Variants in DOCK4 observed in about 807,000 individuals in gnomAD.
The protein encoded by DOCK4 is dedicator of cytokinesis protein 4.
Under a neutral mutation model 268.1 loss-of-function variants are expected in DOCK4, and 97 were observed. The observed-to-expected ratio is 0.36, with a 90% confidence interval of 0.31 to 0.43. The LOEUF is 0.43. Ranked by LOEUF, DOCK4 falls within the 20% of genes least tolerant of loss-of-function variation. The pLI is 1.00. For synonymous variants in DOCK4, 954 were observed against 887.2 expected, an observed-to-expected ratio of 1.08 and a Z score of -1.34; for missense variants, 2,145 against 2,455.7, an observed-to-expected ratio of 0.87 and a Z score of 2.67.
chr7:112,123,978 G>A (rs1812984959), intron 1 of DOCK4, among the ~76,000 whole-genome samples: 2 of 152,042 alleles, frequency 1.3e-5, no homozygotes, highest in Admixed American at 6.5e-5. Context: ...GTTCAGAAGT[G>A]TATCATGAGG....
intron 1 of DOCK4, among the ~76,000 whole-genome samples, chr7:112,007,331 G>T (rs1394921463): frequency 1.5e-5 from 2 of 129,486 alleles, no homozygotes; most frequent in African/African-American, 7.0e-5. Context: ...ATGAATGAAT[G>T]AATGAATGAA....
intron 12 of DOCK4, among the ~76,000 whole-genome samples, chr7:111,925,457 C>T (rs890679831): frequency 3.3e-5 from 5 of 152,070 alleles, no homozygotes; most frequent in Admixed American, 6.5e-5. Context: ...ACAATACTAT[C>T]GGAAAATGAG....
chr7:111,814,860 C>A (rs1352594917), intron 27 of DOCK4, among the ~76,000 whole-genome samples: 2 of 152,022 alleles, frequency 1.3e-5, no homozygotes, highest in Non-Finnish European at 2.9e-5. Flanking sequence ...ACATTGAGAC[C>A]TGAAAGAATG....
intron 12 of DOCK4, among the ~76,000 whole-genome samples, chr7:111,929,604 T>C (rs1439451833): frequency 6.6e-6 from 1 of 152,216 alleles, no homozygotes; most frequent in Non-Finnish European, 1.5e-5. Flanking sequence ...CATTGGTATG[T>C]GTGGACCCAA....
chr7:111,788,783 CT>C, intron 31 of DOCK4, 36 bp from the exon 32 acceptor site: 1 of 1,503,978 alleles, frequency 6.6e-7, no homozygotes, highest in Non-Finnish European at 9.1e-7. Context: ...CTTTCCTCCC[CT>C]TCACAAGTAG....
chr7:111,762,762 C>CTTTTTTTTT lies in DOCK4; in HGVS notation c.4020+2347_4020+2355dup, dbSNP rs869052136. Among the ~76,000 whole-genome samples, 111 of 63,066 alleles carry CTTTTTTTTT rather than the reference C, an allele frequency of 1.8e-3. 13 individuals are homozygous for CTTTTTTTTT. Among genetic ancestry groups the CTTTTTTTTT allele is most frequent in the South Asian group, 2.7e-3 (3 of 1,132 alleles). The allele number at this position is 63,066 out of a possible 152,430, so 41.4% of individuals were successfully genotyped here. A position where few individuals can be genotyped will look rare whatever the true frequency, so the allele number is the denominator to read the frequency against. Reference sequence around the variant, plus strand: ...TAAATAACCCATTTTGTTTTGTTTTCTTTTTTTTTTTTTTTTTTTTTTTTG... The same window carrying CTTTTTTTTT: ...TAAATAACCCATTTTGTTTTGTTTTCTTTTTTTTTTTTTTTTTTTTTTTTTTTTTTTTTG... On this transcript the variant is annotated intron_variant, in intron 39 of 52. Transcript: ENST00000428084.
At chr7:111,883,606 C>G (rs1807600380) in intron 16 of DOCK4, among the ~76,000 whole-genome samples, 1 of 152,176 alleles carries the variant, frequency 6.6e-6, no homozygotes. Flanking sequence ...TGTAGCTCAA[C>G]TGGTTGCCAT....
chr7:111,768,563 A>G (rs1797909449), intron 37 of DOCK4, among the ~76,000 whole-genome samples: 1 of 151,990 alleles, frequency 6.6e-6, no homozygotes, highest in Non-Finnish European at 1.5e-5. Context: ...TTCAAATCCA[A>G]TAAACAATGG....
chr7:112,162,120 C>A (rs1018798065), intron 1 of DOCK4, among the ~76,000 whole-genome samples: 11 of 152,046 alleles, frequency 7.2e-5, no homozygotes, highest in African/African-American at 2.7e-4. Context: ...TTTGCGTATT[C>A]CCAAAGAAAG....
rs1212930024 is a variant in DOCK4 at position 111,926,409 on chromosome 7, G to A, written c.1066+9131C>T. Among the ~76,000 whole-genome samples, 9 of 139,130 alleles carry A rather than the reference G, an allele frequency of 6.5e-5. No homozygotes were observed. In the South Asian group the frequency reaches 1.2e-3, roughly 18 times the overall value. 91.3% of individuals were successfully genotyped at this position (139,130 alleles called of 152,430 possible). A position where few individuals can be genotyped will look rare whatever the true frequency, so the allele number is the denominator to read the frequency against. ...TCACGCCACTGCACTCCAGCCTGGC[G>A]ACACAGCGAGACAAAGAAAAAAGAA... is the stretch of plus-strand genomic sequence containing the variant. On this transcript the variant is annotated intron_variant, in intron 12 of 52. Transcript: ENST00000428084.
chr7:111,740,800 G>A (rs1290187695), intron 47 of DOCK4, among the ~76,000 whole-genome samples: 1 of 133,086 alleles, frequency 7.5e-6, no homozygotes, highest in East Asian at 2.4e-4. Context: ...AACACACTCT[G>A]AGAGTCCTGG....
rs1491032008 is a variant in DOCK4, at chr7:112,200,737, AAC to A, written c.37+5363_37+5364del. Among the ~76,000 whole-genome samples, 5 of 119,238 alleles carry A rather than the reference AAC, an allele frequency of 4.2e-5. 1 individual carries two copies. Among genetic ancestry groups the A allele is most frequent in the Non-Finnish European group, 6.7e-5 (4 of 59,568 alleles). The allele number at this position is 119,238 out of a possible 152,430, so 78.2% of individuals were successfully genotyped here. A position where few individuals can be genotyped will look rare whatever the true frequency, so the allele number is the denominator to read the frequency against. The stretch of plus-strand genomic sequence containing the variant: ...ACAGCCTCTAAAATAAAAAAAAAAA[AAC>A]AAAAAAAAACAAGATCATAGAGGAA... On this transcript the variant is annotated intron_variant, in intron 1 of 52. Transcript: ENST00000428084.
chr7:112,066,607 C>CGT (rs148799975), intron 1 of DOCK4, among the ~76,000 whole-genome samples: 21,443 of 122,944 alleles, frequency 0.17, 4,457 homozygotes, highest in African/African-American at 0.53. Context: ...CATATATACA[C>CGT]GTGTATACAT....
At position 111,842,475 on chromosome 7, in the gene DOCK4, C is replaced by T. The variant is rs1803775713; in HGVS notation, c.2736+2288G>A. Among the ~76,000 whole-genome samples the T allele has an allele frequency of 4.6e-5, 7 of 152,318 alleles. No individual in the cohort carries two copies. In the South Asian group the frequency reaches 1.0e-3, roughly 23 times the overall value. ...CCACAGAAAACTTTGTCCTCAGTCACCTGTTCACTGCAAAGGCTGAGTGAG... is the reference window on the plus strand; with the variant it reads ...CCACAGAAAACTTTGTCCTCAGTCATCTGTTCACTGCAAAGGCTGAGTGAG... On this transcript the variant is annotated intron_variant, in intron 25 of 52. Transcript: ENST00000428084.
At chr7:112,066,700 T>TTATAC (rs1807063193) in intron 1 of DOCK4, among the ~76,000 whole-genome samples, 16 of 36,270 alleles carry the variant, frequency 4.4e-4, no homozygotes, top group African/African-American at 1.3e-3. Context: ...CATATATATA[T>TTATAC]ATATATATAT....
intron 36 of DOCK4, among the ~76,000 whole-genome samples, chr7:111,777,547 T>C (rs968287040): frequency 6.6e-6 from 1 of 152,218 alleles, no homozygotes; most frequent in African/African-American, 2.4e-5. Context: ...GTAGATGTAA[T>C]ACATGTGGCA....
chr7:112,025,541 T>TCCTGCCTCTCAGCC (rs1340040265), intron 1 of DOCK4, among the ~76,000 whole-genome samples: 1 of 152,116 alleles, frequency 6.6e-6, no homozygotes, highest in Non-Finnish European at 1.5e-5. Context: ...TAATGATAGC[T>TCCTGCCTCTCAGCC]CCTGCCTCTC....
At chr7:111,916,474 A>T (rs1792596446) in intron 12 of DOCK4, among the ~76,000 whole-genome samples, 1 of 152,192 alleles carries the variant, frequency 6.6e-6, no homozygotes, top group Non-Finnish European at 1.5e-5. Context: ...GTAGAAACTC[A>T]TGATGACATG....
intron 1 of DOCK4, among the ~76,000 whole-genome samples, chr7:112,125,765 T>C (rs973814246): frequency 1.3e-5 from 2 of 152,174 alleles, no homozygotes; most frequent in Non-Finnish European, 2.9e-5. Flanking sequence ...GGCACTGCAC[T>C]CAATATATTC....
Sources: gnomAD v4.1 joint callset for allele counts (sites outside exome capture counted in the v4.1 genomes callset) on GRCh38, gnomAD v4.1.1 for gene constraint, MANE v1.5 for transcripts, NCBI Gene and HGNC (gene_info 2026-07-23, HGNC 2026-07-21) for gene names.